ADAMTSL1: variants seen among roughly 807,000 people sequenced by gnomAD.
The protein encoded by ADAMTSL1 is ADAMTS-like protein 1.
A neutral mutation model predicts 201.8 loss-of-function variants in ADAMTSL1; 126 were observed. That is an observed-to-expected ratio of 0.62 (90% CI 0.54 to 0.72). The LOEUF is 0.72. Among genes scored for constraint, ADAMTSL1 ranks in the 30% least tolerant of loss-of-function variants. The pLI is 0.00. For synonymous variants in ADAMTSL1, 1,121 were observed against 903.4 expected, an observed-to-expected ratio of 1.24 and a Z score of -4.32; for missense variants, 2,679 against 2,277.8, an observed-to-expected ratio of 1.18 and a Z score of -3.59.
Position 18,380,695 on chromosome 9 carries a change from A to G in ADAMTSL1, c.208-124134A>G, listed in dbSNP as rs1207555106. Among the ~76,000 whole-genome samples the G allele has an allele frequency of 1.8e-4, 28 of 152,258 alleles. 1 individual carries two copies. Among genetic ancestry groups the G allele is most frequent in the Non-Finnish European group, 4.4e-5 (3 of 68,044 alleles). The stretch of plus-strand genomic sequence containing the variant: ...AATAAGCTTTCACATGACTTGGTCA[A>G]TCTGGAGGGTTCACATTTTATATAT... On this transcript the variant is annotated intron_variant, in intron 2 of 29. Coordinates refer to the ADAMTSL1 transcript ENST00000680146.
At chr9:18,054,395 G>A (rs1325583373) in intron 1 of ADAMTSL1, among the ~76,000 whole-genome samples, 36 of 152,206 alleles carry the variant, frequency 2.4e-4, no homozygotes, top group Non-Finnish European at 1.2e-4. Context: ...ATGGATTGTA[G>A]TATTGCTTCT....
At chr9:18,781,750 A>G (rs1279652706) in intron 19 of ADAMTSL1, among the ~76,000 whole-genome samples, 1 of 152,218 alleles carries the variant, frequency 6.6e-6, no homozygotes, top group Admixed American at 6.5e-5. Flanking sequence ...CATCTGCAAG[A>G]TTCAGCTGTG....
intron 3 of ADAMTSL1, among the ~76,000 whole-genome samples, chr9:18,557,520 T>C (rs1218305118): frequency 6.6e-6 from 1 of 152,036 alleles, no homozygotes; most frequent in Non-Finnish European, 1.5e-5. Flanking sequence ...TTCATGGTGC[T>C]GTGTTGCATG....
At chr9:18,646,364 A>G (rs1012580309) in intron 7 of ADAMTSL1, among the ~76,000 whole-genome samples, 1 of 152,018 alleles carries the variant, frequency 6.6e-6, no homozygotes, top group Non-Finnish European at 1.5e-5. Flanking sequence ...CTCTTTTCCT[A>G]ATTGAATACC....
rs560708593 is a variant in ADAMTSL1 at position 18,464,474 on chromosome 9, G to C, written c.208-40355G>C. Among the ~76,000 whole-genome samples, 7 of 152,292 alleles carry C rather than the reference G, an allele frequency of 4.6e-5. 1 individual carries two copies. The South Asian group carries it at 1.5e-3, about 32-fold the overall frequency. The stretch of plus-strand genomic sequence containing the variant: ...AGGTAAATAATTTTTCTGTTTGAAT[G>C]ACATTATTCCAATAGAAGTGATACA... On this transcript the variant is annotated intron_variant, in intron 2 of 29. Coordinates refer to the ADAMTSL1 transcript ENST00000680146.
chr9:18,879,520 TCA>T (rs762617692), intron 23 of ADAMTSL1, among the ~76,000 whole-genome samples: 1 of 152,206 alleles, frequency 6.6e-6, no homozygotes, highest in Non-Finnish European at 1.5e-5. Flanking sequence ...ATAAAGCGAG[TCA>T]CACAATATTT....
intron 2 of ADAMTSL1, among the ~76,000 whole-genome samples, chr9:18,298,928 C>G (rs923004192): frequency 3.3e-5 from 5 of 151,206 alleles, no homozygotes; most frequent in Non-Finnish European, 5.9e-5. Flanking sequence ...AGGAGAATGG[C>G]GTGAACCCGG....
chr9:18,886,164 GTGTATA>G (rs1374535543), intron 23 of ADAMTSL1, among the ~76,000 whole-genome samples: 4,124 of 61,850 alleles, frequency 0.067, 237 homozygotes, highest in East Asian at 0.1. Flanking sequence ...GAGTGTGTAT[GTGTATA>G]TATATATATA....
rs372596497 is a variant in ADAMTSL1, at chr9:18,195,341, A to G, written c.207+31360A>G. Among the ~76,000 whole-genome samples, 9 of 152,250 alleles carry G rather than the reference A, an allele frequency of 5.9e-5. No individual in the cohort carries two copies. The East Asian group carries it at 1.2e-3, about 20-fold the overall frequency. On this transcript the variant is annotated intron_variant, in intron 2 of 29. Coordinates refer to the ADAMTSL1 transcript ENST00000680146. ...GCAAGGATCAAAACTGCCTCCGGGA[A>G]GGCCATCTGTGTGCCAGGCTACATG...
intron 1 of ADAMTSL1, among the ~76,000 whole-genome samples, chr9:17,927,300 A>T (rs758106428): frequency 1.6e-4 from 24 of 152,204 alleles, no homozygotes; most frequent in African/African-American, 5.8e-4. Flanking sequence ...ATGTGTATGT[A>T]CACATACATG....
chr9:18,530,315 T>A (rs1214565698), intron 2 of ADAMTSL1, among the ~76,000 whole-genome samples: 1 of 152,132 alleles, frequency 6.6e-6, no homozygotes, highest in Non-Finnish European at 1.5e-5. Flanking sequence ...TTTCCATAAT[T>A]TTTTTCATGG....
intron 4 of ADAMTSL1, among the ~76,000 whole-genome samples, chr9:18,611,672 A>G (rs375548760): frequency 6.6e-6 from 1 of 152,186 alleles, no homozygotes. Context: ...TTATCCAGCC[A>G]TTAGATGGTT....
At chr9:18,068,313 A>G (rs1822800808) in intron 1 of ADAMTSL1, among the ~76,000 whole-genome samples, 1 of 152,198 alleles carries the variant, frequency 6.6e-6, no homozygotes, top group Non-Finnish European at 1.5e-5. Flanking sequence ...ACTAAAAATA[A>G]CAATACAACA....
intron 16 of ADAMTSL1, among the ~76,000 whole-genome samples, chr9:18,755,735 C>T (rs917715231): frequency 1.1e-4 from 17 of 152,046 alleles, no homozygotes; most frequent in African/African-American, 3.6e-4. Flanking sequence ...TTTGGGCCTG[C>T]GAAGATATGA....
chr9:18,236,977 G>T (rs1403296014), intron 2 of ADAMTSL1, among the ~76,000 whole-genome samples: 1 of 152,174 alleles, frequency 6.6e-6, no homozygotes, highest in Non-Finnish European at 1.5e-5. Flanking sequence ...GTAAGGGGCA[G>T]AATCTTTACA....
At chr9:18,670,347 T>C (rs1168450850) in intron 9 of ADAMTSL1, among the ~76,000 whole-genome samples, 1 of 152,184 alleles carries the variant, frequency 6.6e-6, no homozygotes, top group Non-Finnish European at 1.5e-5. Context: ...CAGAGTTATA[T>C]CTGGGAGATA....
intron 2 of ADAMTSL1, among the ~76,000 whole-genome samples, chr9:18,291,116 G>A (rs758301951): frequency 6.6e-6 from 1 of 150,924 alleles, no homozygotes; most frequent in Non-Finnish European, 1.5e-5. Context: ...TGAGAGATGA[G>A]ATTTTATCCT....
intron 3 of ADAMTSL1, among the ~76,000 whole-genome samples, chr9:18,542,240 G>C (rs1820198357): frequency 6.6e-6 from 1 of 152,034 alleles, no homozygotes; most frequent in South Asian, 2.1e-4. Context: ...ACATAATTGA[G>C]TTTTTATTTG....
At chr9:18,451,060 T>C (rs1172062412) in intron 2 of ADAMTSL1, among the ~76,000 whole-genome samples, 2 of 152,216 alleles carry the variant, frequency 1.3e-5, no homozygotes, top group Non-Finnish European at 2.9e-5. Flanking sequence ...TTTCAGGTAC[T>C]TTTGAAAAGT....
Sources: gnomAD v4.1 joint callset for allele counts (sites outside exome capture counted in the v4.1 genomes callset) on GRCh38, gnomAD v4.1.1 for gene constraint, MANE v1.5 for transcripts, NCBI Gene and HGNC (gene_info 2026-07-23, HGNC 2026-07-21) for gene names.